Variants in SYN2 observed in about 807,000 individuals in gnomAD.
The protein encoded by SYN2 is synapsin II.
Under a neutral mutation model 50.9 loss-of-function variants are expected in SYN2, and 19 were observed. The observed-to-expected ratio is 0.37, with a 90% confidence interval of 0.26 to 0.55. The LOEUF (loss-of-function observed/expected upper bound fraction) is 0.55. Among genes scored for constraint, SYN2 ranks in the 20% least tolerant of loss-of-function variants. The pLI is 0.81. For missense variants in SYN2, 587 were observed against 576.4 expected (o/e 1.02, Z -0.19); for synonymous variants, 255 against 224.9 (o/e 1.13, Z -1.20).
chr3:12,077,312 A>G (rs756845323), intron 1 of SYN2, among the ~76,000 whole-genome samples: 1 of 151,996 alleles, frequency 6.6e-6, no homozygotes, highest in African/African-American at 2.4e-5. Flanking sequence ...TTTTTTTAAA[A>G]AAAAATTATT....
chr3:12,038,689 C>CT (rs1200899576), intron 1 of SYN2, among the ~76,000 whole-genome samples: 1 of 151,918 alleles, frequency 6.6e-6, no homozygotes, highest in Non-Finnish European at 1.5e-5. Flanking sequence ...GAATTGGTCC[C>CT]TTTATTTCAT....
chr3:12,169,698 G>T (rs1697893035), intron 9 of SYN2, 59 bp from the exon 10 acceptor site: 1 of 1,593,236 alleles, frequency 6.3e-7, no homozygotes, highest in Admixed American at 1.7e-5. Context: ...CTGAAAGATT[G>T]TACCAGGCCA....
At chr3:12,066,651 G>GA (rs909556952) in intron 1 of SYN2, among the ~76,000 whole-genome samples, 9 of 151,836 alleles carry the variant, frequency 5.9e-5, no homozygotes, top group African/African-American at 1.2e-4. Context: ...TGTAGGATAT[G>GA]AAAAAAAATA....
intron 6 of SYN2, 57 bp from the exon 7 acceptor site, chr3:12,161,955 T>A (rs1443914115): frequency 6.3e-7 from 1 of 1,599,814 alleles, no homozygotes; most frequent in African/African-American, 1.3e-5. Context: ...TTGTGACTTC[T>A]CAGTGTGTGT....
At chr3:12,188,261 C>T (rs866984573) in intron 12 of SYN2, among the ~76,000 whole-genome samples, 11 of 152,226 alleles carry the variant, frequency 7.2e-5, no homozygotes, top group Non-Finnish European at 1.2e-4. Context: ...CTAGAAGCCC[C>T]TCCACACTGC....
chr3:12,062,667 A>G (rs751567933), intron 1 of SYN2, among the ~76,000 whole-genome samples: 4 of 152,064 alleles, frequency 2.6e-5, no homozygotes, highest in Non-Finnish European at 5.9e-5. Flanking sequence ...AAGCGTAGAC[A>G]GTTTGGCAGT....
At chr3:12,110,409 G>T (rs1188936348) in intron 1 of SYN2, among the ~76,000 whole-genome samples, 1 of 152,156 alleles carries the variant, frequency 6.6e-6, no homozygotes, top group African/African-American at 2.4e-5. Context: ...GGTGCAAGCT[G>T]TTGGTGGATC....
chr3:12,045,183 A>G (rs143514443), intron 1 of SYN2, among the ~76,000 whole-genome samples: 3 of 152,200 alleles, frequency 2.0e-5, no homozygotes, highest in African/African-American at 7.2e-5. Context: ...CATAAAAATG[A>G]TGTTTAAAGG....
chr3:12,092,589 T>G (rs572987910), intron 1 of SYN2, among the ~76,000 whole-genome samples: 4 of 152,334 alleles, frequency 2.6e-5, no homozygotes, highest in South Asian at 2.1e-4. Context: ...TCAAAACACT[T>G]ATTAGCTATA....
chr3:12,133,970 G>T (rs1004936655), intron 1 of SYN2, among the ~76,000 whole-genome samples: 1 of 152,174 alleles, frequency 6.6e-6, no homozygotes, highest in African/African-American at 2.4e-5. Context: ...GGCACTTATT[G>T]CTTATTGGCT....
rs1319292666 is a variant in SYN2 at position 12,183,774 on chromosome 3, G to A, written c.1369+402G>A. 7.3e-6 allele frequency: 8 copies of A among 1,095,876 alleles called. No homozygotes were observed. In the African/African-American group the frequency reaches 8.6e-5, roughly 12 times the overall value. The allele number at this position is 1,095,876 out of a possible 1,614,324, so 67.9% of individuals were successfully genotyped here. A position where few individuals can be genotyped will look rare whatever the true frequency, so the allele number is the denominator to read the frequency against. Reference sequence around the variant, plus strand: ...AGTGTTTTTAAAAGTAATATATAATGTGGGGTGAAATGGGAGTAGGGGGGT... The same window carrying A: ...AGTGTTTTTAAAAGTAATATATAATATGGGGTGAAATGGGAGTAGGGGGGT... On this transcript the variant is annotated intron_variant, in intron 11 of 12. Transcript: ENST00000621198.
chr3:12,138,349 G>A (rs528794947), intron 1 of SYN2, among the ~76,000 whole-genome samples: 19 of 152,294 alleles, frequency 1.2e-4, no homozygotes, highest in African/African-American at 4.3e-4. Context: ...AGGTGGGGGT[G>A]GAGGGAAGGC....
chr3:12,006,823 C>T (rs1438226240), intron 1 of SYN2, among the ~76,000 whole-genome samples: 1 of 152,100 alleles, frequency 6.6e-6, no homozygotes, highest in Non-Finnish European at 1.5e-5. Context: ...AGGCAGTCAA[C>T]AAATGGAGTG....
intron 5 of SYN2, among the ~76,000 whole-genome samples, chr3:12,151,745 G>T (rs1697299651): frequency 6.6e-6 from 1 of 152,176 alleles, no homozygotes; most frequent in African/African-American, 2.4e-5. Flanking sequence ...ATTTAAGTGA[G>T]ATTCATTAAG....
At chr3:12,190,436 CTGCCT>C in intron 12 of SYN2, 49 bp from the exon 13 acceptor site, 1 of 1,604,742 alleles carries the variant, frequency 6.2e-7, no homozygotes, top group South Asian at 1.1e-5. Flanking sequence ...CCGTCCTTCC[CTGCCT>C]TGCTGGGAAC....
intron 1 of SYN2, among the ~76,000 whole-genome samples, chr3:12,069,287 C>A (rs2648346): frequency 6.6e-6 from 1 of 150,690 alleles, no homozygotes; most frequent in Non-Finnish European, 1.5e-5. Flanking sequence ...CTTGCCCTGT[C>A]ACCCAGGCTG....
chr3:12,157,383 A>G (rs1697489006), intron 5 of SYN2: 1 of 1,613,786 alleles, frequency 6.2e-7, no homozygotes, highest in South Asian at 1.1e-5. Flanking sequence ...GCCCCCATGT[A>G]CCTTTATCTG....
intron 1 of SYN2, among the ~76,000 whole-genome samples, chr3:12,012,853 C>G (rs1389564658): frequency 6.6e-6 from 1 of 152,178 alleles, no homozygotes; most frequent in Non-Finnish European, 1.5e-5. Context: ...TTGCTCCATT[C>G]TTGTAAATAA....
chr3:12,096,116 A>G (rs909340974), intron 1 of SYN2, among the ~76,000 whole-genome samples: 2 of 152,176 alleles, frequency 1.3e-5, no homozygotes, highest in Non-Finnish European at 2.9e-5. Flanking sequence ...ACTATGTCAA[A>G]TCTGTTATAC....
Sources: allele counts gnomAD v4.1 joint callset (sites outside exome capture counted in the v4.1 genomes callset), GRCh38; gene constraint gnomAD v4.1.1; transcripts MANE v1.5; gene names NCBI Gene and HGNC (gene_info 2026-07-23, HGNC 2026-07-21).